TJP1: variants seen among roughly 807,000 people sequenced by gnomAD.
The protein encoded by TJP1 is tight junction protein ZO-1.
In TJP1, 43 loss-of-function variants were observed where a neutral mutation model predicts 194.2. The ratio of observed to expected loss-of-function variants is 0.22; its 90% CI spans 0.17 to 0.29. TJP1 has a LOEUF of 0.29. Ranked by LOEUF, TJP1 falls within the 10% of genes least tolerant of loss-of-function variation. The pLI is 1.00. For synonymous variants in TJP1, 801 were observed against 779.0 expected (o/e 1.03, Z -0.47); for missense variants, 1,971 against 2,185.7 (o/e 0.90, Z 1.96).
chr15:29,706,259 T>A (rs980297015), intron 25 of TJP1, among the ~76,000 whole-genome samples: 1 of 152,190 alleles, frequency 6.6e-6, no homozygotes, highest in Non-Finnish European at 1.5e-5. Context: ...AGAAATTCCA[T>A]TCTAGAAAAT....
chr15:29,746,161 A>T (rs918984587), intron 8 of TJP1, among the ~76,000 whole-genome samples: 1 of 152,064 alleles, frequency 6.6e-6, no homozygotes, highest in Non-Finnish European at 1.5e-5. Flanking sequence ...GGCGGATCAC[A>T]AGGTCAGAAG....
intron 2 of TJP1, among the ~76,000 whole-genome samples, chr15:29,797,844 T>G (rs967021052): frequency 1.3e-5 from 2 of 152,114 alleles, no homozygotes; most frequent in Admixed American, 6.5e-5. Flanking sequence ...ATCTCAATAA[T>G]AAGAAAAACC....
At chr15:29,900,121 T>C (rs962844096) in intron 2 of TJP1, among the ~76,000 whole-genome samples, 2 of 151,938 alleles carry the variant, frequency 1.3e-5, no homozygotes, top group Admixed American at 1.3e-4. Context: ...GACATGGAAA[T>C]GAGACTGGAA....
intron 2 of TJP1, among the ~76,000 whole-genome samples, chr15:29,828,948 T>A (rs146538797): frequency 0.026 from 4,018 of 152,230 alleles, 85 homozygotes; most frequent in Non-Finnish European, 0.041. Context: ...AGACGGGGTT[T>A]CACCATGTTG....
At chr15:29,907,314 C>A (rs1332755674) in intron 2 of TJP1, among the ~76,000 whole-genome samples, 1 of 151,942 alleles carries the variant, frequency 6.6e-6, no homozygotes, top group East Asian at 1.9e-4. Flanking sequence ...GAAGCTGAGG[C>A]AGGAGAATGG....
chr15:29,887,173 A>AT (rs2053142162), intron 2 of TJP1, among the ~76,000 whole-genome samples: 1 of 151,802 alleles, frequency 6.6e-6, no homozygotes, highest in South Asian at 2.1e-4. Context: ...CCCTCACCTG[A>AT]TTCTATATGG....
At chr15:29,958,103 T>C (rs149741217) in intron 1 of TJP1, among the ~76,000 whole-genome samples, 1 of 152,312 alleles carries the variant, frequency 6.6e-6, no homozygotes, top group East Asian at 1.9e-4. Context: ...GATGTCTTGA[T>C]GTTTATGACA....
intron 2 of TJP1, among the ~76,000 whole-genome samples, chr15:29,778,497 CTTTCAACAGA>C (rs1022776953): frequency 6.6e-6 from 1 of 152,074 alleles, no homozygotes. Context: ...TTATTTGGCC[CTTTCAACAGA>C]TTTCTCACCT....
intron 2 of TJP1, among the ~76,000 whole-genome samples, chr15:29,861,398 C>G (rs754318306): frequency 4.6e-5 from 7 of 152,154 alleles, no homozygotes; most frequent in Non-Finnish European, 8.8e-5. Context: ...TGACGATTAA[C>G]CCATTTATGA....
chr15:29,739,080 T>C (rs987238793), intron 10 of TJP1, among the ~76,000 whole-genome samples: 1 of 151,856 alleles, frequency 6.6e-6, no homozygotes, highest in African/African-American at 2.4e-5. Flanking sequence ...AAACAAAAGA[T>C]AGGACTTTGG....
chr15:29,745,909 G>A (rs1370998272), intron 8 of TJP1, among the ~76,000 whole-genome samples: 1 of 152,186 alleles, frequency 6.6e-6, no homozygotes, highest in East Asian at 1.9e-4. Flanking sequence ...GATACCAAAT[G>A]TCAGTACGAG....
intron 2 of TJP1, among the ~76,000 whole-genome samples, chr15:29,907,747 T>C (rs2053864177): frequency 6.6e-6 from 1 of 152,120 alleles, no homozygotes; most frequent in Admixed American, 6.5e-5. Context: ...TTCATGTTCA[T>C]GGCCTTTGTA....
rs1566884722 is a variant in TJP1 at position 29,718,480 on chromosome 15, G to A, written c.3662C>T (p.Ala1221Val). 1 of 1,614,174 alleles carries A rather than the reference G, an allele frequency of 6.2e-7. No individual in the cohort carries two copies. The highest frequency in any genetic ancestry group is 2.2e-5 in the East Asian group (1 of 44,866). Residue 1221 changes from alanine to valine, a missense_variant, in exon 21 of 28, where the codon GCA becomes GTA. Ala to Val is a moderately conservative substitution (Grantham distance 64). This residue lies in a region of TJP1 where 1,108 missense variants were observed against 1,128.5 expected (regional missense o/e 0.98). Transcript: ENST00000614355. ...AGHFEPLHGA[A>V]AVPPLIPSSQ... ...TGAAGGTATCAGCGGAGGGACAGCT[G>A]CAGCACCATGGAGAGGCTCAAAATG...
chr15:29,896,843 G>A (rs2053492486), intron 2 of TJP1, among the ~76,000 whole-genome samples: 1 of 152,136 alleles, frequency 6.6e-6, no homozygotes, highest in Admixed American at 6.5e-5. Flanking sequence ...AGCTGATTTA[G>A]GGTATCTGGC....
chr15:29,883,421 A>C (rs969148853), intron 2 of TJP1, among the ~76,000 whole-genome samples: 1 of 152,178 alleles, frequency 6.6e-6, no homozygotes, highest in Non-Finnish European at 1.5e-5. Flanking sequence ...CAAATAACTT[A>C]TATTTGCTCC....
At position 29,833,881 on chromosome 15, in the gene TJP1, A is replaced by ATTTT. The variant is rs10650949; in HGVS notation, c.307-33183_307-33180dup. On this transcript the variant is annotated intron_variant, in intron 2 of 28. Transcript: ENST00000356107. Reference sequence around the variant, plus strand: ...AGTATATATATATATATATATATATATTTTTTTTTTTTTTTTTTTTGAGAC... The same window carrying ATTTT: ...AGTATATATATATATATATATATATATTTTTTTTTTTTTTTTTTTTTTTTGAGAC... 5.9e-3 allele frequency among the ~76,000 whole-genome samples: 75 copies of ATTTT among 12,608 alleles called. 11 individuals carry two copies. The highest frequency in any genetic ancestry group is 0.021 in the African/African-American group (70 of 3,336). The allele number at this position is 12,608 out of a possible 152,430, so 8.3% of individuals were successfully genotyped here.
chr15:29,921,051 G>A (rs1052265376), intron 2 of TJP1, among the ~76,000 whole-genome samples: 8 of 152,144 alleles, frequency 5.3e-5, no homozygotes, highest in Non-Finnish European at 1.2e-4. Flanking sequence ...ATATATGAGC[G>A]TTCCCTGTAA....
rs1441018698 is a variant in TJP1 at position 29,718,911 on chromosome 15, A to T, written c.3231T>A (p.Arg1077=). ...TGGGGACGCGATCTTCGTATCGCAG[A>T]CGATGTTCATAGTTTCGAGAAAACT... is the stretch of plus-strand genomic sequence containing the variant. ...TDQFSRNYEH[R]LRYEDRVPMY... is the part of the protein sequence containing the mutation. The change falls in exon 21 of 28, where the codon CGT becomes CGA. Residue 1077 remains arginine, a synonymous_variant. Coordinates refer to ENST00000614355, the MANE Select transcript of TJP1 (RefSeq NM_001330239.4). 1 of 1,614,088 alleles carries T rather than the reference A, an allele frequency of 6.2e-7. No homozygotes were observed. The highest frequency in any genetic ancestry group is 1.1e-5 in the South Asian group (1 of 91,086).
At chr15:29,928,893 G>A (rs1214637908) in intron 2 of TJP1, among the ~76,000 whole-genome samples, 2 of 151,918 alleles carry the variant, frequency 1.3e-5, no homozygotes, top group Non-Finnish European at 2.9e-5. Flanking sequence ...AGTGAGCCGA[G>A]ATCTCGCCAT....
Sources: allele counts gnomAD v4.1 joint callset (sites outside exome capture counted in the v4.1 genomes callset), GRCh38; gene constraint gnomAD v4.1.1; regional missense constraint gnomAD v4.1.1; transcripts MANE v1.5; gene names NCBI Gene and HGNC (gene_info 2026-07-23, HGNC 2026-07-21).